The following FNBP1 variants were observed in gnomAD, a reference collection of about 807,000 sequenced individuals.
FNBP1 encodes formin-binding protein 1.
FNBP1 carries 26 observed loss-of-function variants against 90.6 expected under a neutral mutation model. The ratio of observed to expected loss-of-function variants is 0.29; its 90% CI spans 0.21 to 0.40. The LOEUF (loss-of-function observed/expected upper bound fraction) is 0.40. FNBP1 is among the 10% of genes least tolerant of loss of function. The probability of loss-of-function intolerance (pLI) is 1.00; values close to 1 mark genes in which losing one functional copy is unlikely to be tolerated. For synonymous variants in FNBP1, 260 were observed against 265.2 expected, an observed-to-expected ratio of 0.98 and a Z score of 0.19; for missense variants, 635 against 768.0, an observed-to-expected ratio of 0.83 and a Z score of 2.05.
chr9:129,893,569 T>C (rs2035319526), intron 16 of FNBP1, among the ~76,000 whole-genome samples: 1 of 133,304 alleles, frequency 7.5e-6, no homozygotes, highest in African/African-American at 2.9e-5. Flanking sequence ...GCCAGGATTG[T>C]ATCATTGCCC....
In FNBP1 at chr9:130,042,523, G is replaced by A. The variant is rs2059920722; in HGVS notation, c.24+429C>T. 6.6e-6 allele frequency among the ~76,000 whole-genome samples: 1 copy of A among 151,802 alleles called. No individual in the cohort carries two copies. The highest frequency in any genetic ancestry group is 6.6e-5 in the Admixed American group (1 of 15,262). On this transcript the variant is annotated intron_variant, in intron 1 of 16. Coordinates refer to ENST00000446176, the MANE Select transcript of FNBP1 (RefSeq NM_015033.3). This position sits in a 1 kb window ranked among gnomAD's most constrained non-coding sequence, Gnocchi z 5.5. The stretch of plus-strand genomic sequence containing the variant: ...ATCCGCCAGCGCCTCCGCGGAGCCA[G>A]GACAGAACTCGCGGCCGGGGCGCCC...
intron 1 of FNBP1, among the ~76,000 whole-genome samples, chr9:129,995,492 C>A (rs971480577): frequency 7.9e-5 from 12 of 152,112 alleles, no homozygotes; most frequent in Admixed American, 6.6e-5. Context: ...GCTGGGGAAC[C>A]AAAATGAACA....
intron 1 of FNBP1, among the ~76,000 whole-genome samples, chr9:130,001,394 A>C (rs1025618499): frequency 6.6e-6 from 1 of 151,728 alleles, no homozygotes; most frequent in Non-Finnish European, 1.5e-5. Flanking sequence ...CACAGCCTTG[A>C]TTTAACTGAT....
Position 129,929,691 on chromosome 9 carries a change from C to A in FNBP1, c.518G>T (p.Arg173Leu). Reference protein sequence around the residue: ...NVTKADVEKARQQAQIRHQMA... With the variant: ...NVTKADVEKALQQAQIRHQMA... ...TTGGTGACGTATTTGAGCTTGTTGTCGGGCCTTAGGGCAAAAACAAGAATA... is the reference window on the plus strand; with the variant it reads ...TTGGTGACGTATTTGAGCTTGTTGTAGGGCCTTAGGGCAAAAACAAGAATA... The change falls in exon 7 of 17, where the codon CGA (arginine) becomes CTA (leucine). Residue 173 changes from arginine (R) to leucine (L), a missense_variant. Arg to Leu is a moderately radical substitution (Grantham distance 102, BLOSUM62 -2). Coordinates refer to ENST00000446176, the MANE Select transcript of FNBP1 (RefSeq NM_015033.3). 1 of 1,613,822 alleles carries A rather than the reference C, an allele frequency of 6.2e-7. No homozygotes were observed. Among genetic ancestry groups the A allele is most frequent in the Non-Finnish European group, 8.5e-7 (1 of 1,179,806 alleles).
intron 8 of FNBP1, 53 bp downstream of exon 8, chr9:129,927,142 G>C: frequency 1.3e-6 from 2 of 1,583,724 alleles, no homozygotes; most frequent in Non-Finnish European, 1.7e-6. Flanking sequence ...GGGATGGGGA[G>C]AAATAATGGA....
rs1422570514 is a variant in FNBP1 at position 129,900,007 on chromosome 9, G to A, written c.1645C>T (p.Leu549Phe). ...GCTTTGCACGTCCCTATGGCAGGGA[G>A]GGGCTCCTCATCATCAAACTCGTCG... Reference protein sequence around the residue: ...FDDEFDDEEPLPAIGTCKALY... With the variant: ...FDDEFDDEEPFPAIGTCKALY... The change falls in exon 15 of 17, where the codon CTC (leucine) becomes TTC (phenylalanine). Residue 549 changes from leucine (L) to phenylalanine (F), a missense_variant. By Grantham distance (22) the Leu-to-Phe change is conservative. Transcript: ENST00000446176. This position sits in a 1 kb window ranked among gnomAD's most constrained non-coding sequence, Gnocchi z 4.1. The A allele has an allele frequency of 2.5e-6, 4 of 1,613,312 alleles. No homozygotes were observed. Among genetic ancestry groups the A allele is most frequent in the Non-Finnish European group, 2.5e-6 (3 of 1,179,572 alleles).
chr9:129,954,414 A>C (rs1457102372), intron 6 of FNBP1, among the ~76,000 whole-genome samples: 1 of 152,160 alleles, frequency 6.6e-6, no homozygotes, highest in African/African-American at 2.4e-5. Flanking sequence ...AGAAAGGAAA[A>C]TTATAGATCA....
chr9:129,899,777 GAGGGA>G (rs1359774699), intron 15 of FNBP1, among the ~76,000 whole-genome samples, 183 bp downstream of exon 15: 4 of 140,478 alleles, frequency 2.8e-5, no homozygotes, highest in Non-Finnish European at 4.6e-5. Flanking sequence ...GAAGGGAAGG[GAGGGA>G]AGGGAAGGGA....
At chr9:129,911,815 C>T (rs909704649) in intron 11 of FNBP1, among the ~76,000 whole-genome samples, 1 of 151,874 alleles carries the variant, frequency 6.6e-6, no homozygotes, top group Non-Finnish European at 1.5e-5. Context: ...GCCTGTAGTT[C>T]CAGCTACTTG....
At chr9:130,026,641 A>G (rs1460788542) in intron 1 of FNBP1, among the ~76,000 whole-genome samples, 1 of 152,084 alleles carries the variant, frequency 6.6e-6, no homozygotes, top group Non-Finnish European at 1.5e-5. Context: ...CAGTAATTCT[A>G]TTTCACAACT....
chr9:130,043,214 T>TA (rs1320120539), upstream of FNBP1: 1 of 337,974 alleles, frequency 3.0e-6, no homozygotes, highest in African/African-American at 2.2e-5. Flanking sequence ...CCGCCCGCCC[T>TA]ACACCCGGAG....
rs2042065956 is a variant in FNBP1, at chr9:129,927,359, G to A, written c.643-18C>T. Reference sequence around the variant, plus strand: ...TGTATTTTCTGCAACATTAGATTTTGTATAAAGTAAGTTTGGTCCATTATT... The same window carrying A: ...TGTATTTTCTGCAACATTAGATTTTATATAAAGTAAGTTTGGTCCATTATT... On this transcript the variant is annotated intron_variant, in intron 7 of 16. Coordinates refer to ENST00000446176, the MANE Select transcript of FNBP1 (RefSeq NM_015033.3). 6.9e-6 allele frequency: 11 copies of A among 1,603,550 alleles called. No individual in the cohort carries two copies. Among genetic ancestry groups the A allele is most frequent in the Non-Finnish European group, 9.4e-6 (11 of 1,172,684 alleles).
At chr9:130,036,434 T>C (rs2059318289) in intron 1 of FNBP1, among the ~76,000 whole-genome samples, 1 of 152,212 alleles carries the variant, frequency 6.6e-6, no homozygotes, top group South Asian at 2.1e-4. Context: ...TAAAGTACAG[T>C]TTTGCCTACC....
chr9:129,892,083 C>T (rs1484941602), intron 16 of FNBP1, among the ~76,000 whole-genome samples: 5 of 152,112 alleles, frequency 3.3e-5, no homozygotes, highest in Non-Finnish European at 5.9e-5. Context: ...CGAGAGGCTT[C>T]GCGGCTTTCC....
rs779421843 is a variant in FNBP1 at position 129,900,403 on chromosome 9, C to T, written c.1550+23G>A. ...AGCCAACAGGCTCCCTTGCCAGAGG[C>T]AGGCGCTGTGCAGATACTGTACCTC... is the stretch of plus-strand genomic sequence containing the variant. On this transcript the variant is annotated intron_variant, in intron 14 of 16. Transcript: ENST00000446176. This position sits in a 1 kb window ranked among gnomAD's most constrained non-coding sequence, Gnocchi z 4.1. 98 of 1,518,666 alleles carry T rather than the reference C, an allele frequency of 6.5e-5. No individual in the cohort carries two copies. The highest frequency in any genetic ancestry group is 3.7e-4 in the Admixed American group (16 of 42,764). 94.1% of individuals were successfully genotyped at this position (1,518,666 alleles called of 1,614,324 possible). A position where few individuals can be genotyped will look rare whatever the true frequency, so the allele number is the denominator to read the frequency against.
intron 11 of FNBP1, among the ~76,000 whole-genome samples, chr9:129,913,440 T>G (rs978072099): frequency 3.3e-5 from 5 of 152,006 alleles, no homozygotes; most frequent in African/African-American, 9.7e-5. Context: ...TTTAAGTGGC[T>G]GGAGTTCTGT....
At chr9:129,929,766 G>T in intron 6 of FNBP1, 71 bp from the exon 7 acceptor site, 2 of 1,442,622 alleles carry the variant, frequency 1.4e-6, no homozygotes, top group Non-Finnish European at 1.9e-6. Context: ...ATCAATAAAA[G>T]CCTAGAACTG....
chr9:130,015,051 T>C lies in FNBP1; in HGVS notation c.25-20093A>G, dbSNP rs759399167. On this transcript the variant is annotated intron_variant, in intron 1 of 16. Coordinates refer to ENST00000446176, the MANE Select transcript of FNBP1 (RefSeq NM_015033.3). The stretch of plus-strand genomic sequence containing the variant: ...TCATATACCACCACAGTAATATTAA[T>C]ATAATAAATACTGTCAAATAAAATG... Among the ~76,000 whole-genome samples, 95 of 151,350 alleles carry C rather than the reference T, an allele frequency of 6.3e-4. 1 individual carries two copies. Among genetic ancestry groups the C allele is most frequent in the Admixed American group, 3.8e-3 (57 of 15,194 alleles).
chr9:129,929,347 T>C (rs369502720), intron 7 of FNBP1, among the ~76,000 whole-genome samples: 1 of 134,738 alleles, frequency 7.4e-6, no homozygotes, highest in South Asian at 2.3e-4. Flanking sequence ...GAGGCAGGGG[T>C]TGCAATGAGC....
Sources: allele counts gnomAD v4.1 joint callset (sites outside exome capture counted in the v4.1 genomes callset), GRCh38; gene constraint gnomAD v4.1.1; non-coding constraint Gnocchi (gnomAD v3.1); transcripts MANE v1.5; gene names NCBI Gene and HGNC (gene_info 2026-07-23, HGNC 2026-07-21).